Variants in DCAF17 observed in about 807,000 individuals in gnomAD.
The protein encoded by DCAF17 is DDB1- and CUL4-associated factor 17.
In DCAF17, 48 loss-of-function variants were observed where a neutral mutation model predicts 66.0. That is an observed-to-expected ratio of 0.73 (90% confidence interval 0.58 to 0.92). DCAF17 has a LOEUF of 0.92. DCAF17 is among the 40% of genes least tolerant of loss of function. The probability of loss-of-function intolerance (pLI) is 0.00; values close to 1 mark genes in which losing one functional copy is unlikely to be tolerated. For missense variants in DCAF17, 562 were observed against 622.8 expected, an observed-to-expected ratio of 0.90 and a Z score of 1.04; for synonymous variants, 206 against 214.6, an observed-to-expected ratio of 0.96 and a Z score of 0.35.
intron 9 of DCAF17, chr2:171,472,730 T>C (rs1334854510): frequency 1.2e-5 from 2 of 164,384 alleles, no homozygotes; most frequent in Non-Finnish European, 2.8e-5. Flanking sequence ...TTATGTTTAA[T>C]TGATGTGAGG....
At chr2:171,434,818 TGG>T in intron 1 of DCAF17, 115 bp downstream of exon 1, 1 of 1,389,684 alleles carries the variant, frequency 7.2e-7, no homozygotes, top group South Asian at 1.6e-5. Context: ...TCACATGTGA[TGG>T]GGAGGAGGAT....
intron 8 of DCAF17, among the ~76,000 whole-genome samples, chr2:171,462,209 A>G (rs1367952344): frequency 6.6e-6 from 1 of 152,182 alleles, no homozygotes; most frequent in Non-Finnish European, 1.5e-5. Flanking sequence ...GCCATAAAAG[A>G]AGAGATTGAT....
At chr2:171,478,815 A>G (rs778352408) in intron 12 of DCAF17, among the ~76,000 whole-genome samples, 10 of 152,182 alleles carry the variant, frequency 6.6e-5, no homozygotes, top group African/African-American at 1.4e-4. Flanking sequence ...ACAAAAAAGT[A>G]TTATTTTGGA....
chr2:171,453,799 T>G (rs946836414), intron 6 of DCAF17, among the ~76,000 whole-genome samples: 2 of 152,190 alleles, frequency 1.3e-5, no homozygotes, highest in African/African-American at 4.8e-5. Flanking sequence ...TGCATAGTTA[T>G]TTATTGAGCT....
chr2:171,484,224 A>G lies in DCAF17; in HGVS notation c.*3110A>G, dbSNP rs1440901793. ...CCTTCTTACCATGTTTACTTATATC[A>G]TCCATCTTTTAGAATCCCAGGGAGC... is the stretch of plus-strand genomic sequence containing the variant. On this transcript the variant is annotated 3_prime_UTR_variant, in exon 14 of 14. Coordinates refer to ENST00000375255, the MANE Select transcript of DCAF17 (RefSeq NM_025000.4). 1 of 450,900 alleles carries G rather than the reference A, an allele frequency of 2.2e-6. No individual in the cohort carries two copies. Among genetic ancestry groups the G allele is most frequent in the Non-Finnish European group, 4.4e-6 (1 of 226,256 alleles). The allele number at this position is 450,900 out of a possible 1,614,324, so 27.9% of individuals were successfully genotyped here.
Position 171,438,202 on chromosome 2 carries a change from C to T in DCAF17, c.230+3016C>T, listed in dbSNP as rs113154418. The stretch of plus-strand genomic sequence containing the variant: ...TGTTTTATTGATTTGTGGTTTAATA[C>T]CACTATGACCCAAGAGCATACTTTA... On this transcript the variant is annotated intron_variant, in intron 2 of 13. Transcript: ENST00000375255. 3.0e-3 allele frequency among the ~76,000 whole-genome samples: 450 copies of T among 152,294 alleles called. 4 individuals carry two copies. Among genetic ancestry groups the T allele is most frequent in the African/African-American group, 0.01 (431 of 41,550 alleles).
intron 6 of DCAF17, 125 bp downstream of exon 6, chr2:171,453,338 G>C (rs1695064403): frequency 1.5e-6 from 1 of 689,120 alleles, no homozygotes; most frequent in South Asian, 2.1e-5. Flanking sequence ...TCACTAACTT[G>C]GTTTATTTTG....
At chr2:171,462,377 A>G (rs1695636230) in intron 8 of DCAF17, among the ~76,000 whole-genome samples, 1 of 152,188 alleles carries the variant, frequency 6.6e-6, no homozygotes, top group Admixed American at 6.5e-5. Context: ...TCAATAAGAA[A>G]AGGAGTGATA....
At chr2:171,442,496 G>A (rs1349159422) in intron 2 of DCAF17, among the ~76,000 whole-genome samples, 6 of 151,010 alleles carry the variant, frequency 4.0e-5, no homozygotes, top group South Asian at 2.1e-4. Flanking sequence ...CCTGGGAAGC[G>A]GAGGTTGCAG....
At chr2:171,434,940 A>G (rs886135292) in intron 1 of DCAF17, 143 bp from the exon 2 acceptor site, 3 of 1,000,792 alleles carry the variant, frequency 3.0e-6, no homozygotes, top group African/African-American at 3.3e-5. Flanking sequence ...TCACCTCATT[A>G]AGCCAAAACA....
At position 171,468,746 on chromosome 2, in the gene DCAF17, A is replaced by G. The variant is rs1367109102; in HGVS notation, c.839-142A>G. The G allele has an allele frequency of 1.1e-5, 13 of 1,163,784 alleles. No homozygotes were observed. The East Asian group carries it at 3.2e-4, about 29-fold the overall frequency. 72.1% of individuals were successfully genotyped at this position (1,163,784 alleles called of 1,614,324 possible). A position where few individuals can be genotyped will look rare whatever the true frequency, so the allele number is the denominator to read the frequency against. ...TACAATAAACTCCTTACCTGATTGT[A>G]TTTTATTTCCTTGAACATAGTAATT... On this transcript the variant is annotated intron_variant, in intron 8 of 13. Coordinates refer to ENST00000375255, the MANE Select transcript of DCAF17 (RefSeq NM_025000.4).
chr2:171,451,921 A>G (rs1694977189), intron 5 of DCAF17, among the ~76,000 whole-genome samples: 1 of 152,142 alleles, frequency 6.6e-6, no homozygotes, highest in Admixed American at 6.6e-5. Flanking sequence ...ATCACCTGAT[A>G]ATGTTAATAA....
At chr2:171,480,871 T>G in intron 13 of DCAF17, 103 bp from the exon 14 acceptor site, 13 of 1,381,686 alleles carry the variant, frequency 9.4e-6, no homozygotes, top group Non-Finnish European at 1.3e-5. Context: ...TTCTTCTAAG[T>G]GTATGTTTGA....
rs143149937 is a variant in DCAF17, at chr2:171,474,388, A to T, written c.1091+413A>T. On this transcript the variant is annotated intron_variant, in intron 10 of 13. Transcript: ENST00000375255. ...TTCAGGGCACACACAACTCCCACAAACTGACCTCTCCTTCCCTTAAACACT... is the reference window on the plus strand; with the variant it reads ...TTCAGGGCACACACAACTCCCACAATCTGACCTCTCCTTCCCTTAAACACT... 317 of 203,712 alleles carry T rather than the reference A, an allele frequency of 1.6e-3. 1 individual carries two copies. The highest frequency in any genetic ancestry group is 2.7e-3 in the Non-Finnish European group (264 of 99,088). 12.6% of individuals were successfully genotyped at this position (203,712 alleles called of 1,614,324 possible).
intron 12 of DCAF17, among the ~76,000 whole-genome samples, chr2:171,479,116 C>T (rs574751343): frequency 5.3e-5 from 8 of 152,210 alleles, no homozygotes; most frequent in Admixed American, 1.3e-4. Flanking sequence ...AAGGAAATAA[C>T]GTAAAAGTAC....
At position 171,481,178 on chromosome 2, in the gene DCAF17, C is replaced by A; in HGVS notation, c.*64C>A. 6.3e-7 allele frequency: 1 copy of A among 1,599,682 alleles called. No individual in the cohort carries two copies. The highest frequency in any genetic ancestry group is 8.6e-7 in the Non-Finnish European group (1 of 1,167,840). On this transcript the variant is annotated 3_prime_UTR_variant, in exon 14 of 14. Transcript: ENST00000375255. ...AAACACCCCAGCAGCTGCGTCCAAT[C>A]CATTTTATTATCTGCATGGCACATT...
intron 8 of DCAF17, among the ~76,000 whole-genome samples, chr2:171,464,175 G>C (rs972567212): frequency 1.3e-5 from 2 of 152,156 alleles, no homozygotes; most frequent in Admixed American, 1.3e-4. Context: ...ATTTCTGATA[G>C]GGGGCCATTT....
intron 10 of DCAF17, among the ~76,000 whole-genome samples, chr2:171,476,644 TCACAG>T (rs1696509115): frequency 6.6e-6 from 1 of 152,242 alleles, no homozygotes; most frequent in Non-Finnish European, 1.5e-5. Flanking sequence ...GCACCTGTTG[TCACAG>T]TTCCCACGTT....
At chr2:171,459,817 C>T (rs751222714) in intron 8 of DCAF17, among the ~76,000 whole-genome samples, 2 of 152,088 alleles carry the variant, frequency 1.3e-5, no homozygotes, top group Non-Finnish European at 2.9e-5. Flanking sequence ...AAAAATTACT[C>T]AAGTTTTTAG....
Sources: gnomAD v4.1 joint callset for allele counts (sites outside exome capture counted in the v4.1 genomes callset) on GRCh38, gnomAD v4.1.1 for gene constraint, MANE v1.5 for transcripts, NCBI Gene and HGNC (gene_info 2026-07-23, HGNC 2026-07-21) for gene names.